TECPR2: variants seen among roughly 807,000 people sequenced by gnomAD.
TECPR2 encodes the protein tectonin beta-propeller repeat-containing protein 2.
TECPR2 carries 65 observed loss-of-function variants against 138.1 expected under a neutral mutation model. The ratio of observed to expected loss-of-function variants is 0.47; its 90% CI spans 0.39 to 0.58. The LOEUF (loss-of-function observed/expected upper bound fraction) is 0.58, where lower values mean the gene tolerates loss of function less well. Ranked by LOEUF, TECPR2 falls within the 20% of genes least tolerant of loss-of-function variation. The pLI is 0.00. For synonymous variants in TECPR2, 746 were observed against 749.8 expected (o/e 0.99, Z 0.08); for missense variants, 1,553 against 1,824.5 (o/e 0.85, Z 2.71).
chr14:102,368,559 T>C (rs1162514198), intron 1 of TECPR2, among the ~76,000 whole-genome samples: 8 of 152,106 alleles, frequency 5.3e-5, no homozygotes, highest in Non-Finnish European at 1.0e-4. Context: ...ATATTCTGGG[T>C]AAAATCTCTT....
At chr14:102,423,059 A>T (rs1889227003) in intron 5 of TECPR2, among the ~76,000 whole-genome samples, 1 of 152,230 alleles carries the variant, frequency 6.6e-6, no homozygotes, top group Non-Finnish European at 1.5e-5. Context: ...TATGGAGTAC[A>T]GGTTTGCAGT....
intron 1 of TECPR2, among the ~76,000 whole-genome samples, chr14:102,366,554 C>CCAGACTGGTCTCGAACT (rs987095746): frequency 2.6e-5 from 4 of 152,232 alleles, no homozygotes; most frequent in African/African-American, 9.6e-5. Context: ...GCCATGTTGG[C>CCAGACTGGTCTCGAACT]CAGACTGGTC....
Position 102,378,636 on chromosome 14 carries a change from A to T in TECPR2, c.219+1696A>T, listed in dbSNP as rs538688698. On this transcript the variant is annotated intron_variant, in intron 2 of 19. Transcript: ENST00000359520. ...AGGGTCTGTATTAATATATATATAT[A>T]TTTTTGAGACGGAGTTTCACTCTTG... Among the ~76,000 whole-genome samples the T allele has an allele frequency of 2.6e-3, 396 of 151,950 alleles. 2 individuals carry two copies. The highest frequency in any genetic ancestry group is 9.0e-3 in the African/African-American group (375 of 41,476).
At chr14:102,366,452 T>G (rs1887349329) in intron 1 of TECPR2, among the ~76,000 whole-genome samples, 1 of 152,214 alleles carries the variant, frequency 6.6e-6, no homozygotes. Context: ...GTTCAAGTGA[T>G]TCTCCTGCCT....
rs930758888 is a variant in TECPR2 at position 102,465,012 on chromosome 14, G to A, written c.3641-129G>A. 1.4e-5 allele frequency: 16 copies of A among 1,137,250 alleles called. No homozygotes were observed. In the African/African-American group the frequency reaches 2.3e-4, roughly 17 times the overall value. The allele number at this position is 1,137,250 out of a possible 1,614,324, so 70.4% of individuals were successfully genotyped here. On this transcript the variant is annotated intron_variant, in intron 16 of 19. Transcript: ENST00000359520. ...ACTAGGACAGATCCGATGACTTAGT[G>A]TCCAAGTTCAATTGCAAATGCAGCC...
rs1472798415 is a variant in TECPR2 at position 102,440,460 on chromosome 14, A to G, written c.2603A>G (p.Gln868Arg). Residue 868 changes from glutamine to arginine, a missense_variant, in exon 11 of 20, where the codon CAG becomes CGG. Physicochemically the swap from Gln to Arg is conservative, Grantham distance 43 (BLOSUM62 1). Coordinates refer to ENST00000359520, the MANE Select transcript of TECPR2 (RefSeq NM_014844.5). ...GGAGCCCTTCTCTGGAAGATTGAAC[A>G]GAAATCTAACCGGGCTTTTGCTTGT... Reference protein sequence around the residue: ...PSGALLWKIEQKSNRAFACGK... With the variant: ...PSGALLWKIERKSNRAFACGK... 6.2e-7 allele frequency: 1 copy of G among 1,614,246 alleles called. No homozygotes were observed. Among genetic ancestry groups the G allele is most frequent in the Non-Finnish European group, 8.5e-7 (1 of 1,180,034 alleles).
At chr14:102,437,732 G>A (rs1025842021) in intron 9 of TECPR2, among the ~76,000 whole-genome samples, 3 of 152,144 alleles carry the variant, frequency 2.0e-5, no homozygotes, top group South Asian at 2.1e-4. Flanking sequence ...CCTTCGTAAC[G>A]TGATGTGATG....
chr14:102,446,099 TTCCGTCATCCA>T (rs1889971758), intron 13 of TECPR2, 152 bp downstream of exon 13: 2 of 1,087,730 alleles, frequency 1.8e-6, no homozygotes, highest in Non-Finnish European at 2.5e-6. Context: ...CAAGATCTCC[TTCCGTCATCCA>T]GGCGGAAGGG....
In TECPR2 at chr14:102,434,732, T is replaced by G; in HGVS notation, c.1915T>G (p.Phe639Val). The G allele has an allele frequency of 1.2e-6, 2 of 1,613,604 alleles. No individual in the cohort carries two copies. The highest frequency in any genetic ancestry group is 1.7e-6 in the Non-Finnish European group (2 of 1,180,006). Residue 639 changes from phenylalanine to valine, a missense_variant, in exon 9 of 20, where the codon TTT becomes GTT. Transcript: ENST00000359520. Reference protein sequence around the residue: ...DIQPIGPQSTFCEVPLLNSLT... With the variant: ...DIQPIGPQSTVCEVPLLNSLT... Reference sequence around the variant, plus strand: ...CCAACCCATTGGCCCCCAAAGCACTTTTTGTGAAGTCCCCCTCCTGAACTC... The same window carrying G: ...CCAACCCATTGGCCCCCAAAGCACTGTTTGTGAAGTCCCCCTCCTGAACTC...
intron 13 of TECPR2, among the ~76,000 whole-genome samples, chr14:102,448,490 T>TAACCC (rs1890048504): frequency 6.6e-6 from 1 of 152,144 alleles, no homozygotes; most frequent in Non-Finnish European, 1.5e-5. Context: ...TGAGCTAGGG[T>TAACCC]TAGAGTCTAG....
chr14:102,498,352 T>C lies in TECPR2; in HGVS notation c.*95T>C. 7.0e-7 allele frequency: 1 copy of C among 1,425,684 alleles called. No individual in the cohort carries two copies. The highest frequency in any genetic ancestry group is 1.4e-5 in the South Asian group (1 of 72,898). The allele number at this position is 1,425,684 out of a possible 1,614,324, so 88.3% of individuals were successfully genotyped here. ...CCTGGTGGACGCGCTGCCTCAACACTTGTCCAGACACCTCTGGCCAGGTTG... is the reference window on the plus strand; with the variant it reads ...CCTGGTGGACGCGCTGCCTCAACACCTGTCCAGACACCTCTGGCCAGGTTG... On this transcript the variant is annotated 3_prime_UTR_variant, in exon 20 of 20. Coordinates refer to ENST00000359520, the MANE Select transcript of TECPR2 (RefSeq NM_014844.5).
chr14:102,485,467 C>A (rs1567361468), intron 17 of TECPR2, among the ~76,000 whole-genome samples: 1 of 152,146 alleles, frequency 6.6e-6, no homozygotes, highest in Non-Finnish European at 1.5e-5. Flanking sequence ...CTTCTAGGAA[C>A]TATTACCCCT....
At chr14:102,380,519 G>C (rs10136485) in intron 2 of TECPR2, among the ~76,000 whole-genome samples, 1 of 151,752 alleles carries the variant, frequency 6.6e-6, no homozygotes, top group African/African-American at 2.4e-5. Flanking sequence ...AGAACAGGAG[G>C]GGGGAAACCA....
At chr14:102,438,707 C>T (rs890637117) in intron 10 of TECPR2, among the ~76,000 whole-genome samples, 1 of 152,140 alleles carries the variant, frequency 6.6e-6, no homozygotes, top group African/African-American at 2.4e-5. Flanking sequence ...ACAGTCTACT[C>T]CCTGACTCTA....
intron 17 of TECPR2, among the ~76,000 whole-genome samples, chr14:102,468,465 G>C (rs999660601): frequency 4.6e-5 from 7 of 152,244 alleles, no homozygotes; most frequent in African/African-American, 1.7e-4. Context: ...GAGATTACAG[G>C]TGTGAGCCAC....
At chr14:102,410,877 C>T (rs1326167423) in intron 4 of TECPR2, among the ~76,000 whole-genome samples, 1 of 152,282 alleles carries the variant, frequency 6.6e-6, no homozygotes, top group Non-Finnish European at 1.5e-5. Context: ...ACTCTTAACT[C>T]TTGAAGTAAA....
At chr14:102,374,092 A>G (rs1343481991) in intron 1 of TECPR2, among the ~76,000 whole-genome samples, 1 of 151,680 alleles carries the variant, frequency 6.6e-6, no homozygotes, top group Non-Finnish European at 1.5e-5. Context: ...AAAAAAAAGA[A>G]AAGAAATAGA....
intron 6 of TECPR2, among the ~76,000 whole-genome samples, chr14:102,425,832 C>T (rs1221973916): frequency 6.7e-6 from 1 of 150,254 alleles, no homozygotes; most frequent in Non-Finnish European, 1.5e-5. Flanking sequence ...CCTTGGCCTC[C>T]CAAATTGCTG....
chr14:102,396,617 G>A (rs1888322264), intron 2 of TECPR2, among the ~76,000 whole-genome samples: 1 of 152,190 alleles, frequency 6.6e-6, no homozygotes, highest in Non-Finnish European at 1.5e-5. Flanking sequence ...GGCAGGATCT[G>A]TCTGATCTAA....
Sources: allele counts gnomAD v4.1 joint callset (sites outside exome capture counted in the v4.1 genomes callset), GRCh38; gene constraint gnomAD v4.1.1; transcripts MANE v1.5; gene names NCBI Gene and HGNC (gene_info 2026-07-23, HGNC 2026-07-21).